Variants in NRG3 observed in about 807,000 individuals in gnomAD.
NRG3 encodes pro-neuregulin-3, membrane-bound isoform.
NRG3 carries 31 observed loss-of-function variants against 66.9 expected under a neutral mutation model. That is an observed-to-expected ratio of 0.46 (90% CI 0.35 to 0.63). The LOEUF (loss-of-function observed/expected upper bound fraction) is 0.63, where lower values mean the gene tolerates loss of function less well. Ranked by LOEUF, NRG3 falls within the 20% of genes least tolerant of loss-of-function variation. NRG3 has a pLI of 0.00. For missense variants in NRG3, 910 were observed against 878.9 expected (o/e 1.04, Z -0.45); for synonymous variants, 393 against 359.4 (o/e 1.09, Z -1.06).
chr10:82,721,959 A>G (rs2057345931), intron 2 of NRG3, among the ~76,000 whole-genome samples: 1 of 152,098 alleles, frequency 6.6e-6, no homozygotes, highest in Non-Finnish European at 1.5e-5. Flanking sequence ...AAAAAAAAAA[A>G]AAAATGGGAG....
chr10:82,777,753 G>A (rs1438186466), intron 3 of NRG3, among the ~76,000 whole-genome samples: 1 of 152,210 alleles, frequency 6.6e-6, no homozygotes, highest in Non-Finnish European at 1.5e-5. Context: ...AGGGGGTACT[G>A]TGTAGTGGTG....
chr10:82,378,125 G>T (rs1046540824), intron 2 of NRG3, among the ~76,000 whole-genome samples: 1 of 152,156 alleles, frequency 6.6e-6, no homozygotes, highest in Non-Finnish European at 1.5e-5. Context: ...TACTTGTTCA[G>T]GGAGATCTGA....
chr10:82,771,306 C>T (rs760682166), intron 3 of NRG3, among the ~76,000 whole-genome samples: 25 of 151,878 alleles, frequency 1.6e-4, no homozygotes, highest in Non-Finnish European at 2.9e-4. Context: ...TTCTTTTTAA[C>T]GTTAAAAAAT....
chr10:82,597,012 T>C (rs1298142995), intron 2 of NRG3, among the ~76,000 whole-genome samples: 2 of 152,070 alleles, frequency 1.3e-5, no homozygotes, highest in Non-Finnish European at 2.9e-5. Context: ...TTCAAGACCC[T>C]TTTGGCTTTG....
chr10:82,768,844 G>C (rs998339360), intron 3 of NRG3, among the ~76,000 whole-genome samples: 1 of 152,100 alleles, frequency 6.6e-6, no homozygotes, highest in East Asian at 1.9e-4. Flanking sequence ...TAGCTTTTTT[G>C]TGTGTGTACC....
chr10:82,301,560 T>C (rs7901923), intron 1 of NRG3, among the ~76,000 whole-genome samples: 16,034 of 151,862 alleles, frequency 0.11, 898 homozygotes, highest in Non-Finnish European at 0.12. Context: ...CTGATACTAA[T>C]CTATTCTGAA....
At chr10:82,279,459 G>A (rs1173334064) in intron 1 of NRG3, among the ~76,000 whole-genome samples, 1 of 152,156 alleles carries the variant, frequency 6.6e-6, no homozygotes, top group African/African-American at 2.4e-5. Flanking sequence ...TCTAAATAAT[G>A]TTTTGGCTTC....
At chr10:82,774,605 G>A (rs917288753) in intron 3 of NRG3, among the ~76,000 whole-genome samples, 3 of 151,400 alleles carry the variant, frequency 2.0e-5, no homozygotes, top group Non-Finnish European at 4.4e-5. Flanking sequence ...TATTTCTGAG[G>A]CATCTGTTAT....
chr10:82,007,640 G>T lies in NRG3; in HGVS notation c.823+131477G>T, dbSNP rs774916643. 1.8e-4 allele frequency among the ~76,000 whole-genome samples: 28 copies of T among 151,886 alleles called. 1 individual carries two copies. The South Asian group carries it at 2.1e-3, about 11-fold the overall frequency. ...TTTATTGATTTTCTTAGATTATGTG[G>T]GTAAATGTGGATAAATTATATAATT... is the stretch of plus-strand genomic sequence containing the variant. On this transcript the variant is annotated intron_variant, in intron 1 of 8. Transcript: ENST00000372141.
intron 1 of NRG3, among the ~76,000 whole-genome samples, chr10:82,026,984 G>T (rs989270993): frequency 6.6e-6 from 1 of 151,918 alleles, no homozygotes. Flanking sequence ...TCAATCACCT[G>T]TTTAATGCTA....
At chr10:82,421,421 T>A (rs2089062766) in intron 2 of NRG3, among the ~76,000 whole-genome samples, 1 of 151,926 alleles carries the variant, frequency 6.6e-6, no homozygotes, top group Non-Finnish European at 1.5e-5. Context: ...AGAGAAAAAG[T>A]CTATGCGGCA....
chr10:82,789,342 T>C (rs1417624047), intron 3 of NRG3, among the ~76,000 whole-genome samples: 1 of 152,148 alleles, frequency 6.6e-6, no homozygotes, highest in Non-Finnish European at 1.5e-5. Flanking sequence ...ATGAGTTCTT[T>C]ACATTTTTAT....
intron 1 of NRG3, among the ~76,000 whole-genome samples, chr10:82,321,106 A>G (rs1045525034): frequency 6.6e-6 from 1 of 152,230 alleles, no homozygotes; most frequent in Admixed American, 6.5e-5. Context: ...AGCAGAGCTA[A>G]AATAGCACTG....
At chr10:82,384,654 C>T (rs1267452849) in intron 2 of NRG3, among the ~76,000 whole-genome samples, 1 of 152,096 alleles carries the variant, frequency 6.6e-6, no homozygotes, top group Non-Finnish European at 1.5e-5. Flanking sequence ...GTATATGTGC[C>T]ACATTTTCTT....
At chr10:82,417,421 C>T (rs1056860274) in intron 2 of NRG3, among the ~76,000 whole-genome samples, 2 of 152,140 alleles carry the variant, frequency 1.3e-5, no homozygotes, top group African/African-American at 4.8e-5. Context: ...AACTTAGGCC[C>T]TGCAAGGCCA....
In NRG3 at chr10:82,449,111, G is replaced by A. The variant is rs544152429; in HGVS notation, c.953+90243G>A. ...TTCCTCAAGCAAAGACTCTTTCTGC[G>A]AGCCTAGGGCAGGTCCGAAAGAGAT... On this transcript the variant is annotated intron_variant, in intron 2 of 8. Transcript: ENST00000372141. Among the ~76,000 whole-genome samples the A allele has an allele frequency of 4.1e-4, 62 of 152,238 alleles. 1 individual carries two copies. In the South Asian group the frequency reaches 0.011, roughly 27 times the overall value.
chr10:81,932,520 G>A (rs1466711831), intron 1 of NRG3, among the ~76,000 whole-genome samples: 1 of 152,044 alleles, frequency 6.6e-6, no homozygotes, highest in Non-Finnish European at 1.5e-5. Flanking sequence ...AATTTACTTT[G>A]GAATCTAAAG....
intron 4 of NRG3, among the ~76,000 whole-genome samples, chr10:82,916,175 A>G (rs1845813131): frequency 1.3e-5 from 2 of 152,192 alleles, no homozygotes; most frequent in South Asian, 2.1e-4. Context: ...GCAATGCCTG[A>G]GCACACTGGT....
chr10:82,099,648 C>A (rs538509946), intron 1 of NRG3, among the ~76,000 whole-genome samples: 2 of 152,130 alleles, frequency 1.3e-5, no homozygotes, highest in South Asian at 4.2e-4. Context: ...CTCTATTGAT[C>A]AATTTTTAGG....
Sources: gnomAD v4.1 joint callset for allele counts (sites outside exome capture counted in the v4.1 genomes callset) on GRCh38, gnomAD v4.1.1 for gene constraint, MANE v1.5 for transcripts, NCBI Gene and HGNC (gene_info 2026-07-23, HGNC 2026-07-21) for gene names.